The following C8orf34 variants were observed in gnomAD, a reference collection of about 807,000 sequenced individuals.
C8orf34 encodes uncharacterized protein C8orf34.
Under a neutral mutation model 68.3 loss-of-function variants are expected in C8orf34, and 65 were observed. The ratio of observed to expected loss-of-function variants is 0.95; its 90% CI spans 0.78 to 1.17. The LOEUF is 1.17. Among genes scored for constraint, C8orf34 ranks in the 50% most tolerant of loss-of-function variants. The pLI is 0.00. For missense variants in C8orf34, 664 were observed against 655.4 expected (o/e 1.01, Z -0.14); for synonymous variants, 244 against 241.2 (o/e 1.01, Z -0.11).
intron 7 of C8orf34, among the ~76,000 whole-genome samples, chr8:68,620,040 T>C (rs1279943659): frequency 6.6e-6 from 1 of 152,150 alleles, no homozygotes; most frequent in Admixed American, 6.5e-5. Flanking sequence ...TCAGACTGAT[T>C]GATGGAAAAT....
chr8:68,666,069 T>A (rs540678576), intron 8 of C8orf34, among the ~76,000 whole-genome samples: 1 of 152,330 alleles, frequency 6.6e-6, no homozygotes, highest in East Asian at 1.9e-4. Flanking sequence ...TGGCCGGTAT[T>A]TTTGTAAACA....
intron 7 of C8orf34, among the ~76,000 whole-genome samples, chr8:68,610,050 A>G (rs967316813): frequency 2.0e-5 from 3 of 152,198 alleles, no homozygotes; most frequent in Non-Finnish European, 2.9e-5. Flanking sequence ...AGGAAAAACT[A>G]ATGAATATAG....
chr8:68,718,689 A>T (rs932724602), intron 9 of C8orf34, among the ~76,000 whole-genome samples: 5 of 152,176 alleles, frequency 3.3e-5, no homozygotes, highest in African/African-American at 1.2e-4. Flanking sequence ...ACTGTGCATA[A>T]AAAAGTCTGT....
chr8:68,693,151 C>G (rs771327795), intron 8 of C8orf34, among the ~76,000 whole-genome samples: 3 of 152,052 alleles, frequency 2.0e-5, no homozygotes, highest in African/African-American at 7.2e-5. Context: ...AGGAATCTTG[C>G]TGTCTATCTT....
At chr8:68,700,403 G>C (rs1820978221) in intron 8 of C8orf34, among the ~76,000 whole-genome samples, 1 of 152,102 alleles carries the variant, frequency 6.6e-6, no homozygotes, top group South Asian at 2.1e-4. Flanking sequence ...AGTTAAATGG[G>C]TTCGGCAAAG....
At chr8:68,660,292 C>T (rs946654454) in intron 8 of C8orf34, among the ~76,000 whole-genome samples, 2 of 152,072 alleles carry the variant, frequency 1.3e-5, no homozygotes, top group African/African-American at 4.8e-5. Flanking sequence ...CTTTATCTTC[C>T]CAGTGAATAC....
intron 5 of C8orf34, among the ~76,000 whole-genome samples, chr8:68,504,924 C>T (rs1430644530): frequency 6.6e-6 from 1 of 152,136 alleles, no homozygotes; most frequent in Non-Finnish European, 1.5e-5. Flanking sequence ...GGTGATCCAC[C>T]TGCCTCAGCC....
chr8:68,814,824 C>T (rs1274867669), intron 12 of C8orf34, among the ~76,000 whole-genome samples: 2 of 152,144 alleles, frequency 1.3e-5, no homozygotes, highest in Non-Finnish European at 2.9e-5. Context: ...TAGCACTTAA[C>T]CAATGAATGC....
intron 10 of C8orf34, among the ~76,000 whole-genome samples, chr8:68,734,266 A>T (rs1822064752): frequency 6.6e-6 from 1 of 152,088 alleles, no homozygotes; most frequent in African/African-American, 2.4e-5. Flanking sequence ...AAGTGACAAG[A>T]ATATCTCAGC....
intron 3 of C8orf34, among the ~76,000 whole-genome samples, chr8:68,451,304 T>G (rs958085871): frequency 4.6e-5 from 7 of 152,156 alleles, no homozygotes; most frequent in African/African-American, 1.7e-4. Flanking sequence ...TTCTTTCACT[T>G]TCTTATCATT....
At chr8:68,533,458 T>C (rs1815335216) in intron 7 of C8orf34, 13 of 1,038,932 alleles carry the variant, frequency 1.3e-5, no homozygotes, top group Middle Eastern at 9.2e-4. Context: ...TCTGCTTTAT[T>C]CTCTGATAAT....
chr8:68,648,060 A>G (rs1009567443), intron 8 of C8orf34, among the ~76,000 whole-genome samples: 2 of 152,232 alleles, frequency 1.3e-5, no homozygotes, highest in African/African-American at 4.8e-5. Context: ...TTGACTATGT[A>G]GGATATAGTA....
At chr8:68,360,854 G>C (rs1806961564) in intron 1 of C8orf34, among the ~76,000 whole-genome samples, 1 of 148,804 alleles carries the variant, frequency 6.7e-6, no homozygotes, top group Non-Finnish European at 1.5e-5. Context: ...CCAGATTTGA[G>C]TGATTCTCAT....
Position 68,396,742 on chromosome 8 carries a change from G to C in C8orf34, c.328-42757G>C, listed in dbSNP as rs926302972. On this transcript the variant is annotated intron_variant, in intron 1 of 13. Transcript: ENST00000518698. The stretch of plus-strand genomic sequence containing the variant: ...AAAAAAAAAAAAAAAAAAAAAAAAA[G>C]CCTGGTGCCTCCTCTCTCTCTCTCG... 9.9e-3 allele frequency among the ~76,000 whole-genome samples: 512 copies of C among 51,870 alleles called. 4 individuals are homozygous for C. Among genetic ancestry groups the C allele is most frequent in the African/African-American group, 0.036 (466 of 13,088 alleles). The allele number at this position is 51,870 out of a possible 152,430, so 34.0% of individuals were successfully genotyped here. A position where few individuals can be genotyped will look rare whatever the true frequency, so the allele number is the denominator to read the frequency against.
At chr8:68,429,975 C>A (rs1019806664) in intron 1 of C8orf34, among the ~76,000 whole-genome samples, 18 of 151,948 alleles carry the variant, frequency 1.2e-4, no homozygotes, top group Admixed American at 4.6e-4. Context: ...TTCTTTTGTT[C>A]GAATGAGGTG....
chr8:68,510,176 C>T (rs1814203212), intron 5 of C8orf34, among the ~76,000 whole-genome samples: 1 of 152,130 alleles, frequency 6.6e-6, no homozygotes, highest in Non-Finnish European at 1.5e-5. Flanking sequence ...GTTGCATGCA[C>T]TCCCTATCGT....
rs184854696 is a variant in C8orf34 at position 68,438,236 on chromosome 8, G to A, written c.328-1263G>A. 3 of 152,238 alleles carry A rather than the reference G, an allele frequency of 2.0e-5. No homozygotes were observed. In the South Asian group the frequency reaches 6.2e-4, roughly 32 times the overall value. The allele number at this position is 152,238 out of a possible 1,614,324, so 9.4% of individuals were successfully genotyped here. A position where few individuals can be genotyped will look rare whatever the true frequency, so the allele number is the denominator to read the frequency against. ...AGAAAGTCTTTTTCCAAGTGCTACA[G>A]TAGGGGTGGGGGAGGAGAGAGATAA... On this transcript the variant is annotated intron_variant, in intron 1 of 13. Transcript: ENST00000518698.
chr8:68,559,590 A>G (rs903415310), intron 7 of C8orf34, among the ~76,000 whole-genome samples: 9 of 152,208 alleles, frequency 5.9e-5, no homozygotes, highest in Non-Finnish European at 7.3e-5. Flanking sequence ...TTTTGTTGTC[A>G]TAAGAATACG....
chr8:68,483,107 C>T (rs906376145), intron 4 of C8orf34, among the ~76,000 whole-genome samples: 1 of 152,156 alleles, frequency 6.6e-6, no homozygotes. Context: ...GTTGCTACTT[C>T]CGTTTCCTAT....
Sources: allele counts gnomAD v4.1 joint callset (sites outside exome capture counted in the v4.1 genomes callset), GRCh38; gene constraint gnomAD v4.1.1; transcripts MANE v1.5; gene names NCBI Gene and HGNC (gene_info 2026-07-23, HGNC 2026-07-21).